KANSL3: variants seen among roughly 807,000 people sequenced by gnomAD.
KANSL3 encodes NSL complex protein NSL3.
A neutral mutation model predicts 89.2 loss-of-function variants in KANSL3; 16 were observed. The observed-to-expected ratio is 0.18, with a 90% CI of 0.12 to 0.27. The LOEUF is 0.27. Ranked by LOEUF, KANSL3 falls within the 10% of genes least tolerant of loss-of-function variation. The pLI is 1.00. For synonymous variants in KANSL3, 385 were observed against 419.7 expected (o/e 0.92, Z 1.01); for missense variants, 879 against 1,110.6 (o/e 0.79, Z 2.96).
At chr2:96,592,989 C>A (rs1401638397), downstream of KANSL3, among the ~76,000 whole-genome samples, 2 of 151,294 alleles carry the variant, frequency 1.3e-5, no homozygotes, top group African/African-American at 2.4e-5. Flanking sequence ...AATAACAATG[C>A]GAGACTCCAT....
chr2:96,602,957 A>C, intron 17 of KANSL3, 95 bp from the exon 18 acceptor site: 1 of 1,127,572 alleles, frequency 8.9e-7, no homozygotes, highest in Non-Finnish European at 1.3e-6. Flanking sequence ...CAACTAAAAC[A>C]CCAGTGGTGC....
chr2:96,601,613 C>T, intron 20 of KANSL3, 30 bp downstream of exon 20: 2 of 1,608,594 alleles, frequency 1.2e-6, no homozygotes, highest in Non-Finnish European at 1.7e-6. Context: ...TAATGAAGCC[C>T]ATGTCCTCAG....
the KANSL3 span, among the ~76,000 whole-genome samples, chr2:96,580,993 C>T: frequency 5.7e-3 from 864 of 152,360 alleles, 6 homozygotes; most frequent in Middle Eastern, 0.034. Flanking sequence ...AAACATCTGG[C>T]TCTTTCCCAG....
At position 96,619,666 on chromosome 2, in the gene KANSL3, T is replaced by A; in HGVS notation, c.477+6A>T. 6.4e-7 allele frequency: 1 copy of A among 1,573,132 alleles called. No homozygotes were observed. The highest frequency in any genetic ancestry group is 1.2e-5 in the South Asian group (1 of 86,084). On this transcript the variant is annotated splice_donor_region_variant and intron_variant, in intron 4 of 20. Transcript: ENST00000431828. ...GCCCACTGTGGGCGGATTGCTGGTG[T>A]CTTACCCCTTCGTTGGCCAAGCGGG... is the stretch of plus-strand genomic sequence containing the variant.
the KANSL3 span, among the ~76,000 whole-genome samples, chr2:96,586,045 G>A: frequency 6.6e-6 from 1 of 151,968 alleles, no homozygotes; most frequent in Non-Finnish European, 1.5e-5. Context: ...TGGCCAACAT[G>A]GTGAAACCAT....
intron 3 of KANSL3, among the ~76,000 whole-genome samples, chr2:96,627,639 G>A (rs2072603051): frequency 6.6e-6 from 1 of 152,116 alleles, no homozygotes; most frequent in Non-Finnish European, 1.5e-5. Flanking sequence ...AACTCTCCGG[G>A]AAAGAACTCC....
Position 96,608,642 on chromosome 2 carries a change from C to T in KANSL3, c.1607G>A (p.Ser536Asn). The T allele has an allele frequency of 1.9e-6, 3 of 1,614,042 alleles. No individual in the cohort carries two copies. The highest frequency in any genetic ancestry group is 1.7e-6 in the Non-Finnish European group (2 of 1,179,898). ...TTTGGTCTTGGGACTGGAGGTGGGGCTGCTGGACACACTGGAGAGATCCTG... is the reference window on the plus strand; with the variant it reads ...TTTGGTCTTGGGACTGGAGGTGGGGTTGCTGGACACACTGGAGAGATCCTG... Reference protein sequence around the residue: ...GSEDLSSVSSSPTSSPKTKVT... With the variant: ...GSEDLSSVSSNPTSSPKTKVT... The change falls in exon 14 of 21, where the codon AGC becomes AAC. Residue 536 changes from serine to asparagine, a missense_variant. By Grantham distance (46) the Ser-to-Asn change is conservative. Around this residue, in one of 6 missense-constraint regions of KANSL3, gnomAD observed 317 missense variants for 311.2 expected, o/e 1.02. Coordinates refer to ENST00000431828, the MANE Select transcript of KANSL3 (RefSeq NM_001115016.3).
At chr2:96,617,724 A>T (rs1452183720) in intron 5 of KANSL3, among the ~76,000 whole-genome samples, 1 of 151,944 alleles carries the variant, frequency 6.6e-6, no homozygotes, top group African/African-American at 2.4e-5. Context: ...GTGGCAGGGC[A>T]CGGCAGCTCA....
chr2:96,621,087 C>T (rs1193247415), intron 3 of KANSL3, among the ~76,000 whole-genome samples: 3 of 152,172 alleles, frequency 2.0e-5, no homozygotes, highest in Non-Finnish European at 4.4e-5. Flanking sequence ...CATTTCAAAT[C>T]AGTCTGGATA....
intron 5 of KANSL3, among the ~76,000 whole-genome samples, chr2:96,613,957 A>G (rs2069476416): frequency 6.6e-6 from 1 of 152,240 alleles, no homozygotes. Flanking sequence ...GATGGGGACA[A>G]TTATGCACAG....
At chr2:96,624,305 G>A (rs762190842) in intron 3 of KANSL3, among the ~76,000 whole-genome samples, 4 of 152,134 alleles carry the variant, frequency 2.6e-5, no homozygotes, top group Non-Finnish European at 5.9e-5. Context: ...ATGGTGGTAG[G>A]AGGAGACAGA....
intron 3 of KANSL3, among the ~76,000 whole-genome samples, chr2:96,622,113 CAAAAAAA>C (rs113914476): frequency 1.5e-5 from 2 of 130,608 alleles, no homozygotes; most frequent in East Asian, 4.1e-4. Flanking sequence ...GACTCCAGCT[CAAAAAAA>C]AAAAAAAAAT....
At chr2:96,609,432 A>T (rs2068520942) in intron 12 of KANSL3, 67 bp downstream of exon 12, 2 of 1,457,524 alleles carry the variant, frequency 1.4e-6, no homozygotes, top group Non-Finnish European at 1.9e-6. Context: ...ACTACCAATA[A>T]GACCAAACCT....
At chr2:96,607,662 TA>T (rs1194551959) in intron 14 of KANSL3, among the ~76,000 whole-genome samples, 9 of 152,200 alleles carry the variant, frequency 5.9e-5, no homozygotes, top group Admixed American at 1.3e-4. Context: ...GTACTACTCT[TA>T]TAAGCAAACT....
chr2:96,613,717 A>G (rs956728220), intron 5 of KANSL3, 98 bp from the exon 6 acceptor site: 51 of 1,172,746 alleles, frequency 4.3e-5, no homozygotes, highest in Non-Finnish European at 5.4e-5. Context: ...TATAAGCCAT[A>G]GACAGACTTC....
In KANSL3 at chr2:96,619,554, G is replaced by A. The variant is rs1179313864; in HGVS notation, c.478-10C>T. ...CTGGCTCATTACAAGCCTGAAGGATGTAAGTGGAAGTAATAAAACATGAGG... is the reference window on the plus strand; with the variant it reads ...CTGGCTCATTACAAGCCTGAAGGATATAAGTGGAAGTAATAAAACATGAGG... On this transcript the variant is annotated splice_polypyrimidine_tract_variant and intron_variant, in intron 4 of 20. Transcript: ENST00000431828. 5 of 1,611,834 alleles carry A rather than the reference G, an allele frequency of 3.1e-6. No homozygotes were observed. Among genetic ancestry groups the A allele is most frequent in the Non-Finnish European group, 3.4e-6 (4 of 1,178,086 alleles).
intron 3 of KANSL3, among the ~76,000 whole-genome samples, chr2:96,629,813 C>T (rs146825678): frequency 6.6e-5 from 10 of 152,222 alleles, no homozygotes; most frequent in African/African-American, 2.4e-4. Flanking sequence ...CCCTCTTTCT[C>T]TCTATTATAA....
chr2:96,623,897 C>T (rs1289406492), intron 3 of KANSL3, among the ~76,000 whole-genome samples: 3 of 152,248 alleles, frequency 2.0e-5, no homozygotes, highest in Non-Finnish European at 2.9e-5. Context: ...TCTTCAGAAG[C>T]TTTCCTTGCT....
chr2:96,628,607 G>T, intron 3 of KANSL3: 1 of 157,286 alleles, frequency 6.4e-6, no homozygotes, highest in Non-Finnish European at 1.4e-5. Context: ...AGTGAGCTGA[G>T]ATCGTGCCAC....
Sources: gnomAD v4.1 joint callset for allele counts (sites outside exome capture counted in the v4.1 genomes callset) on GRCh38, gnomAD v4.1.1 for gene constraint, gnomAD v4.1.1 regional missense constraint, MANE v1.5 for transcripts, NCBI Gene and HGNC (gene_info 2026-07-23, HGNC 2026-07-21) for gene names.